FLNC: variants seen among roughly 807,000 people sequenced by gnomAD.
FLNC encodes filamin-C.
FLNC carries 91 observed loss-of-function variants against 254.3 expected under a neutral mutation model. That is an observed-to-expected ratio of 0.36 (90% confidence interval 0.30 to 0.43). The LOEUF is 0.43. FLNC is among the 20% of genes least tolerant of loss of function. FLNC has a pLI of 1.00. For synonymous variants in FLNC, 1,430 were observed against 1,577.2 expected (o/e 0.91, Z 2.21); for missense variants, 2,853 against 3,802.6 (o/e 0.75, Z 6.57).
At position 128,843,984 on chromosome 7, in the gene FLNC, G is replaced by A; in HGVS notation, c.2930-20G>A. On this transcript the variant is annotated intron_variant, in intron 19 of 47. Coordinates refer to ENST00000325888, the MANE Select transcript of FLNC (RefSeq NM_001458.5). ...GGGTGGACCGGAGTCTCCTCATGGTGTCACTTGCCCTCCACGCAGAGGTGG... is the reference window on the plus strand; with the variant it reads ...GGGTGGACCGGAGTCTCCTCATGGTATCACTTGCCCTCCACGCAGAGGTGG... 6.2e-7 allele frequency: 1 copy of A among 1,614,154 alleles called. No homozygotes were observed. The highest frequency in any genetic ancestry group is 1.1e-5 in the South Asian group (1 of 91,086).
rs546333760 is a variant in FLNC, at chr7:128,849,122, G to A, written c.4928-59G>A. 7.1e-4 allele frequency: 457 copies of A among 639,356 alleles called. 3 individuals are homozygous for A. Among genetic ancestry groups the A allele is most frequent in the South Asian group, 4.2e-3 (302 of 71,732 alleles). 39.6% of individuals were successfully genotyped at this position (639,356 alleles called of 1,614,324 possible). A position where few individuals can be genotyped will look rare whatever the true frequency, so the allele number is the denominator to read the frequency against. Reference sequence around the variant, plus strand: ...CCTGGCCCCTCCCTCCCTCACCCCCGCCCAATGCCCCAGCCCACGTTGAGC... The same window carrying A: ...CCTGGCCCCTCCCTCCCTCACCCCCACCCAATGCCCCAGCCCACGTTGAGC... On this transcript the variant is annotated intron_variant, in intron 28 of 47. Transcript: ENST00000325888.
At position 128,830,528 on chromosome 7, in the gene FLNC, A is replaced by G; in HGVS notation, c.-110A>G. 1.1e-6 allele frequency: 1 copy of G among 913,416 alleles called. No individual in the cohort carries two copies. The highest frequency in any genetic ancestry group is 1.7e-6 in the Non-Finnish European group (1 of 587,762). 56.6% of individuals were successfully genotyped at this position (913,416 alleles called of 1,614,324 possible). ...CCCGGCGCGAGAGAAGTTGGAGAGG[A>G]GAGCAGCGCAGCGCAGCGAGTCCCG... On this transcript the variant is annotated 5_prime_UTR_variant, in exon 1 of 48. Coordinates refer to ENST00000325888, the MANE Select transcript of FLNC (RefSeq NM_001458.5).
intron 1 of FLNC, 114 bp downstream of exon 1, chr7:128,831,103 C>T (rs983507368): frequency 2.1e-6 from 2 of 970,730 alleles, no homozygotes; most frequent in Admixed American, 2.4e-5. Context: ...GGAGGGCACC[C>T]CCCGGTATAG....
In FLNC at chr7:128,851,522, C is replaced by A. The variant is rs776923967; in HGVS notation, c.5736C>A (p.Gly1912=). The A allele has an allele frequency of 6.2e-6, 10 of 1,613,982 alleles. No individual in the cohort carries two copies. The South Asian group carries it at 9.9e-5, about 16-fold the overall frequency. Residue 1912 remains glycine (G), a synonymous_variant, in exon 35 of 48, where the codon GGC becomes GGA. Coordinates refer to ENST00000325888, the MANE Select transcript of FLNC (RefSeq NM_001458.5). ...AEITCKDNKD[G]TCTVSYLPTA... ...TCACCTGTAAGGACAACAAGGATGG[C>A]ACCTGCACCGTGTCCTATCTGCCGA... is the stretch of plus-strand genomic sequence containing the variant.
Position 128,856,061 on chromosome 7 carries a change from C to T in FLNC, c.7252-457C>T, listed in dbSNP as rs1035520450. ...TGAACTGGGCTCCCCGATGCAGGCTCCAATCCCTCCCCCAGAGCCCTTCTG... is the reference window on the plus strand; with the variant it reads ...TGAACTGGGCTCCCCGATGCAGGCTTCAATCCCTCCCCCAGAGCCCTTCTG... On this transcript the variant is annotated intron_variant, in intron 43 of 47. Coordinates refer to ENST00000325888, the MANE Select transcript of FLNC (RefSeq NM_001458.5). This position sits in a 1 kb window ranked among gnomAD's most constrained non-coding sequence, Gnocchi z 5.9. Among the ~76,000 whole-genome samples, 5 of 152,196 alleles carry T rather than the reference C, an allele frequency of 3.3e-5. No individual in the cohort carries two copies. Among genetic ancestry groups the T allele is most frequent in the Non-Finnish European group, 5.9e-5 (4 of 68,040 alleles).
intron 1 of FLNC, among the ~76,000 whole-genome samples, chr7:128,832,848 C>A (rs927222739): frequency 3.9e-5 from 6 of 152,218 alleles, no homozygotes; most frequent in Admixed American, 3.3e-4. Flanking sequence ...GGCGCCCCAC[C>A]ATGAGGAGGT....
At chr7:128,855,060 C>G (rs1305046394) in intron 42 of FLNC, 139 bp from the exon 43 acceptor site, 1 of 1,058,402 alleles carries the variant, frequency 9.4e-7, no homozygotes, top group Non-Finnish European at 1.5e-6. Flanking sequence ...CCCTCTACCC[C>G]ACACCCTCAG....
In FLNC at chr7:128,838,276, C is replaced by T; in HGVS notation, c.1057C>T (p.Leu353Phe). 5 of 1,614,014 alleles carry T rather than the reference C, an allele frequency of 3.1e-6. No homozygotes were observed. Among genetic ancestry groups the T allele is most frequent in the Non-Finnish European group, 4.2e-6 (5 of 1,179,972 alleles). The change falls in exon 7 of 48, where the codon CTC (leucine) becomes TTC (phenylalanine). Residue 353 changes from leucine (L) to phenylalanine (F), a missense_variant. Around this residue, in one of 10 missense-constraint regions of FLNC, gnomAD observed 1,573 missense variants for 1,883.5 expected, o/e 0.84. Coordinates refer to ENST00000325888, the MANE Select transcript of FLNC (RefSeq NM_001458.5). ...KVAGLHKVTV[L>F]FAGQNIERSP... ...GACCTCTGACCCCTAGGTGACCGTG[C>T]TCTTTGCTGGCCAGAACATTGAACG...
rs201905890 is a variant in FLNC, at chr7:128,840,598, G to A, written c.1600G>A (p.Glu534Lys). The change falls in exon 10 of 48, where the codon GAG (glutamate) becomes AAG (lysine). Residue 534 changes from glutamate to lysine, a missense_variant. This residue lies in a region of FLNC where 1,573 missense variants were observed against 1,883.5 expected (regional missense o/e 0.84). Transcript: ENST00000325888. ...GCGGGAGGCTGGGGATGGTGTGTTC[G>A]AGTGCGAGTACTACCCGGTGGTGCC... ...KVREAGDGVF[E>K]CEYYPVVPGK... 8.4e-4 allele frequency: 1,358 copies of A among 1,614,218 alleles called. 3 individuals are homozygous for A. Among genetic ancestry groups the A allele is most frequent in the Non-Finnish European group, 9.9e-4 (1,167 of 1,180,034 alleles).
chr7:128,850,035 C>A lies in FLNC; in HGVS notation c.5259C>A (p.Pro1753=). 6.4e-7 allele frequency: 1 copy of A among 1,557,450 alleles called. No homozygotes were observed. The highest frequency in any genetic ancestry group is 8.6e-7 in the Non-Finnish European group (1 of 1,157,354). The change falls in exon 31 of 48, where the codon CCC becomes CCA. Residue 1753 remains proline (P), a synonymous_variant. Coordinates refer to ENST00000325888, the MANE Select transcript of FLNC (RefSeq NM_001458.5). ...EPSEVPQLRQ[P]YAPPRPGARP... ...CTGAAGTGCCACAGCTGCGCCAGCC[C>A]TACGCTCCTCCCCGGCCCGGCGCCC...
chr7:128,850,908 A>C lies in FLNC; in HGVS notation c.5504A>C (p.Gln1835Pro). 2 of 1,612,858 alleles carry C rather than the reference A, an allele frequency of 1.2e-6. No individual in the cohort carries two copies. Among genetic ancestry groups the C allele is most frequent in the Non-Finnish European group, 1.7e-6 (2 of 1,179,676 alleles). Residue 1835 changes from glutamine to proline, a missense_variant, in exon 33 of 48, where the codon CAG becomes CCG. This residue lies in a region of FLNC where 258 missense variants were observed against 312.3 expected (regional missense o/e 0.83). Transcript: ENST00000325888. ...RYAPTEKGLHQMGIKYDGNHI... is the reference protein window; with the variant it reads ...RYAPTEKGLHPMGIKYDGNHI... ...GCACCCACTGAGAAAGGCCTGCACC[A>C]GATGGGGATCAAGTATGACGGCAAC... is the stretch of plus-strand genomic sequence containing the variant.
rs762297336 is a variant in FLNC, at chr7:128,851,583, G to A, written c.5797G>A (p.Asp1933Asn). Reference protein sequence around the residue: ...PGDYSIIVRFDDKHIPGSPFT... With the variant: ...PGDYSIIVRFNDKHIPGSPFT... ...AGACTACAGCATCATCGTGCGCTTC[G>A]ATGACAAGCACATCCCGGGGAGCCC... The change falls in exon 35 of 48, where the codon GAT (aspartate) becomes AAT (asparagine). Residue 1933 changes from aspartate (D) to asparagine (N), a missense_variant. Coordinates refer to ENST00000325888, the MANE Select transcript of FLNC (RefSeq NM_001458.5). The A allele has an allele frequency of 6.2e-6, 10 of 1,613,806 alleles. No individual in the cohort carries two copies. Among genetic ancestry groups the A allele is most frequent in the East Asian group, 4.5e-5 (2 of 44,890 alleles).
At chr7:128,845,959 C>T (rs761153863) in intron 21 of FLNC, 31 bp from the exon 22 acceptor site, 12 of 1,610,534 alleles carry the variant, frequency 7.5e-6, no homozygotes, top group South Asian at 1.1e-5. Flanking sequence ...CTGCCCCCAC[C>T]CCTGCTGAAC....
chr7:128,854,326 A>AGAG, intron 40 of FLNC, 87 bp from the exon 41 acceptor site: 1 of 1,599,290 alleles, frequency 6.3e-7, no homozygotes, highest in East Asian at 2.3e-5. Context: ...AGGTCTGAGC[A>AGAG]GAGGAGGAGG....
At position 128,851,603 on chromosome 7, in the gene FLNC, G is replaced by A. The variant is rs1217144927; in HGVS notation, c.5817G>A (p.Gly1939=). Residue 1939 remains glycine, a synonymous_variant, in exon 35 of 48, where the codon GGG becomes GGA. Transcript: ENST00000325888. ...IVRFDDKHIP[G]SPFTAKITGD... The stretch of plus-strand genomic sequence containing the variant: ...GCTTCGATGACAAGCACATCCCGGG[G>A]AGCCCCTTCACAGCCAAGATCACAG... 2 of 1,613,820 alleles carry A rather than the reference G, an allele frequency of 1.2e-6. No homozygotes were observed. The highest frequency in any genetic ancestry group is 1.7e-6 in the Non-Finnish European group (2 of 1,180,052).
chr7:128,855,512 T>C (rs530628046), intron 43 of FLNC, among the ~76,000 whole-genome samples, 198 bp downstream of exon 43: 5 of 152,346 alleles, frequency 3.3e-5, no homozygotes, highest in Non-Finnish European at 5.9e-5. Flanking sequence ...CACTCAGGCA[T>C]GCCACGCCTC....
intron 5 of FLNC, 99 bp downstream of exon 5, chr7:128,837,854 C>A: frequency 7.3e-7 from 1 of 1,375,830 alleles, no homozygotes; most frequent in Non-Finnish European, 1.0e-6. Context: ...CTGCCAGAGC[C>A]ACACACTGTG....
chr7:128,851,123 G>A (rs567775332), intron 33 of FLNC, 109 bp from the exon 34 acceptor site: 13 of 1,580,518 alleles, frequency 8.2e-6, no homozygotes, highest in Admixed American at 6.7e-5. Flanking sequence ...GGGTCCCTAC[G>A]GCACAGACGG....
At chr7:128,846,624 C>T (rs1314691666) in intron 23 of FLNC, 121 bp from the exon 24 acceptor site, 17 of 1,341,758 alleles carry the variant, frequency 1.3e-5, no homozygotes, top group African/African-American at 2.9e-5. Context: ...CCCTGTAGCT[C>T]GTTTCTCCTC....
Sources: allele counts gnomAD v4.1 joint callset (sites outside exome capture counted in the v4.1 genomes callset), GRCh38; gene constraint gnomAD v4.1.1; regional missense constraint gnomAD v4.1.1; non-coding constraint Gnocchi (gnomAD v3.1); transcripts MANE v1.5; gene names NCBI Gene and HGNC (gene_info 2026-07-23, HGNC 2026-07-21).